The following CKAP5 variants were observed in gnomAD, a reference collection of about 807,000 sequenced individuals.
CKAP5 encodes cytoskeleton-associated protein 5.
A neutral mutation model predicts 232.8 loss-of-function variants in CKAP5; 27 were observed. The ratio of observed to expected loss-of-function variants is 0.12; its 90% confidence interval spans 0.09 to 0.16. The LOEUF (loss-of-function observed/expected upper bound fraction) is 0.16, where lower values mean the gene tolerates loss of function less well. CKAP5 is among the 10% of genes least tolerant of loss of function. CKAP5 has a pLI of 1.00. For missense variants in CKAP5, 1,838 were observed against 2,424.7 expected (o/e 0.76, Z 5.08); for synonymous variants, 785 against 841.1 (o/e 0.93, Z 1.16).
At chr11:46,758,368 C>T (rs571549733) in intron 35 of CKAP5, among the ~76,000 whole-genome samples, 2 of 152,222 alleles carry the variant, frequency 1.3e-5, no homozygotes, top group African/African-American at 4.8e-5. Context: ...ACTTCCTTTC[C>T]GTCATTACCC....
chr11:46,780,209 A>C lies in CKAP5; in HGVS notation c.2418T>G (p.Asp806Glu). 1.2e-6 allele frequency: 2 copies of C among 1,614,096 alleles called. No homozygotes were observed. The highest frequency in any genetic ancestry group is 1.7e-6 in the Non-Finnish European group (2 of 1,179,968). ...DEKPALLSQI[D>E]AEFEKMQGQS... ...GAAATTCTACCTTCTCAAATTCTGC[A>C]TCTATCTGGGATAGGAGGGCAGGCT... is the stretch of plus-strand genomic sequence containing the variant. Residue 806 changes from aspartate to glutamate, a missense_variant, in exon 20 of 44, where the codon GAT becomes GAG. This residue lies in a region of CKAP5 where 767 missense variants were observed against 954.6 expected (regional missense o/e 0.80). Transcript: ENST00000529230.
Position 46,776,265 on chromosome 11 carries a change from A to G in CKAP5, c.2981T>C (p.Leu994Ser), listed in dbSNP as rs751845194. Residue 994 changes from leucine (L) to serine (S), a missense_variant, in exon 24 of 44, where the codon TTG becomes TCG. Physicochemically the swap from Leu to Ser is moderately radical, Grantham distance 145 (BLOSUM62 -2). This residue lies in a region of CKAP5 where 767 missense variants were observed against 954.6 expected (regional missense o/e 0.80). Transcript: ENST00000529230. The part of the protein sequence containing the change: ...SEELKKENPF[L>S]RQELLGWLAE... ...ATTTATGATACTAACCTCTTGCCTCAAGAAAGGATTTTCCTTTTTGAGCTC... is the reference window on the plus strand; with the variant it reads ...ATTTATGATACTAACCTCTTGCCTCGAGAAAGGATTTTCCTTTTTGAGCTC... 2 of 1,613,780 alleles carry G rather than the reference A, an allele frequency of 1.2e-6. No individual in the cohort carries two copies. Among genetic ancestry groups the G allele is most frequent in the Non-Finnish European group, 1.7e-6 (2 of 1,179,782 alleles).
intron 24 of CKAP5, among the ~76,000 whole-genome samples, chr11:46,775,305 T>A (rs2065281472): frequency 6.6e-6 from 1 of 152,166 alleles, no homozygotes. Flanking sequence ...CCAGTTAGAA[T>A]GGCGATCATT....
intron 42 of CKAP5, among the ~76,000 whole-genome samples, chr11:46,748,064 G>A (rs957074488): frequency 2.0e-5 from 3 of 152,044 alleles, no homozygotes; most frequent in Admixed American, 1.3e-4. Flanking sequence ...AAGGGGGCTG[G>A]TGGGGCTGGA....
intron 18 of CKAP5, among the ~76,000 whole-genome samples, chr11:46,782,933 G>C (rs1222786452): frequency 6.6e-6 from 1 of 152,196 alleles, no homozygotes; most frequent in Admixed American, 6.5e-5. Flanking sequence ...TCTGACAGCA[G>C]TTAATTCGCC....
intron 3 of CKAP5, among the ~76,000 whole-genome samples, chr11:46,817,375 CTT>C (rs1226832448): frequency 6.6e-6 from 1 of 152,164 alleles, no homozygotes; most frequent in African/African-American, 2.4e-5. Flanking sequence ...AAAGACTACT[CTT>C]GACTCCTTAA....
intron 15 of CKAP5, among the ~76,000 whole-genome samples, chr11:46,789,439 T>G (rs1938645083): frequency 6.6e-6 from 1 of 152,164 alleles, no homozygotes; most frequent in Non-Finnish European, 1.5e-5. Context: ...GAGGGGTGGT[T>G]TAAGTAGAGT....
chr11:46,804,582 A>C (rs1939110933), intron 8 of CKAP5, among the ~76,000 whole-genome samples: 1 of 152,166 alleles, frequency 6.6e-6, no homozygotes, highest in African/African-American at 2.4e-5. Flanking sequence ...AAGTGCTTTA[A>C]AGTAATTATC....
At chr11:46,745,911 C>T (rs1165105707) in intron 42 of CKAP5, among the ~76,000 whole-genome samples, 1 of 152,130 alleles carries the variant, frequency 6.6e-6, no homozygotes, top group African/African-American at 2.4e-5. Context: ...GAGATCGCAC[C>T]ACTGTACTCC....
At chr11:46,785,855 GGA>G (rs2065387406) in intron 16 of CKAP5, among the ~76,000 whole-genome samples, 1 of 152,168 alleles carries the variant, frequency 6.6e-6, no homozygotes, top group Admixed American at 6.5e-5. Context: ...TGAGGTGGGA[GGA>G]TCACTTGAAC....
At chr11:46,782,190 T>C (rs1011318034) in intron 18 of CKAP5, among the ~76,000 whole-genome samples, 3 of 152,184 alleles carry the variant, frequency 2.0e-5, no homozygotes, top group African/African-American at 7.2e-5. Flanking sequence ...ATTACCTATC[T>C]TTCTTTACTC....
intron 38 of CKAP5, among the ~76,000 whole-genome samples, chr11:46,752,233 C>CACA (rs1249478199): frequency 1.4e-5 from 2 of 141,094 alleles, no homozygotes; most frequent in African/African-American, 5.3e-5. Flanking sequence ...CACACACACA[C>CACA]GTGTATTATA....
intron 8 of CKAP5, 44 bp from the exon 9 acceptor site, chr11:46,801,348 G>T: frequency 1.4e-6 from 2 of 1,400,360 alleles, no homozygotes; most frequent in East Asian, 2.3e-5. Context: ...TCACAGCCAT[G>T]TAGAAGGGTA....
At chr11:46,802,561 C>G (rs13313145) in intron 8 of CKAP5, among the ~76,000 whole-genome samples, 970 of 87,586 alleles carry the variant, frequency 0.011, 5 homozygotes, top group Middle Eastern at 0.019. Flanking sequence ...CAGACAGACA[C>G]ACACACACAC....
At position 46,788,690 on chromosome 11, in the gene CKAP5, A is replaced by G. The variant is rs1294882863; in HGVS notation, c.1959T>C (p.Thr653=). ...TCACATTTTAAAATACCTGAAAATTAGTTTCTTTCCATCCAGGTTTCTTGG... is the reference window on the plus strand; with the variant it reads ...TCACATTTTAAAATACCTGAAAATTGGTTTCTTTCCATCCAGGTTTCTTGG... The part of the protein sequence containing the change: ...MLAKKPGWKE[T]NFQVMQMKLH... The change falls in exon 16 of 44, where the codon ACT becomes ACC. Residue 653 remains threonine (T), a synonymous_variant. Transcript: ENST00000529230. 3 of 1,591,980 alleles carry G rather than the reference A, an allele frequency of 1.9e-6. No individual in the cohort carries two copies. The South Asian group carries it at 3.3e-5, about 18-fold the overall frequency.
intron 38 of CKAP5, among the ~76,000 whole-genome samples, chr11:46,752,175 TATATATATATATATATATACACACAC>T (rs1486641156): frequency 2.5e-4 from 10 of 39,572 alleles, no homozygotes; most frequent in African/African-American, 4.4e-4. Context: ...TATATATATA[TATATATATATATATATATACACACAC>T]ACACACACAC....
At chr11:46,821,396 T>A in intron 1 of CKAP5, 128 bp from the exon 2 acceptor site, 1 of 449,122 alleles carries the variant, frequency 2.2e-6, no homozygotes, top group Non-Finnish European at 3.9e-6. Context: ...TTTCGTCAGA[T>A]CCCCACTTAA....
intron 31 of CKAP5, chr11:46,762,403 C>T: frequency 1.2e-6 from 1 of 843,716 alleles, no homozygotes; most frequent in Non-Finnish European, 2.0e-6. Flanking sequence ...AGTCAGATGG[C>T]CCCTGTGCAC....
chr11:46,794,272 C>A (rs986425823), intron 13 of CKAP5, among the ~76,000 whole-genome samples: 2 of 152,012 alleles, frequency 1.3e-5, no homozygotes, highest in Non-Finnish European at 2.9e-5. Context: ...GCCTGGGCAA[C>A]ACAGTGAAAC....
Sources: gnomAD v4.1 joint callset for allele counts (sites outside exome capture counted in the v4.1 genomes callset) on GRCh38, gnomAD v4.1.1 for gene constraint, gnomAD v4.1.1 regional missense constraint, MANE v1.5 for transcripts, NCBI Gene and HGNC (gene_info 2026-07-23, HGNC 2026-07-21) for gene names.